Variants in MMP26 observed in about 807,000 individuals in gnomAD.
The protein encoded by MMP26 is matrix metalloproteinase-26.
In MMP26, 33 loss-of-function variants were observed where a neutral mutation model predicts 31.0. That is an observed-to-expected ratio of 1.06 (90% CI 0.81 to 1.42). The LOEUF (loss-of-function observed/expected upper bound fraction) is 1.42. MMP26 is among the 40% of genes most tolerant of loss of function. MMP26 has a pLI of 0.00. For synonymous variants in MMP26, 122 were observed against 114.9 expected (o/e 1.06, Z -0.40); for missense variants, 347 against 316.1 (o/e 1.10, Z -0.74).
intron 2 of MMP26, among the ~76,000 whole-genome samples, chr11:4,935,729 T>C (rs1286941770): frequency 6.7e-6 from 1 of 150,150 alleles, no homozygotes; most frequent in African/African-American, 2.4e-5. Flanking sequence ...TAGATAGCTC[T>C]TATCATTTTG....
chr11:4,902,520 G>T (rs192366395), intron 2 of MMP26, among the ~76,000 whole-genome samples: 1 of 152,184 alleles, frequency 6.6e-6, no homozygotes, highest in Admixed American at 6.5e-5. Context: ...CCAACCTTCT[G>T]TTGGCACCTG....
chr11:4,848,910 A>G, intron 2 of MMP26: 1 of 1,614,116 alleles, frequency 6.2e-7, no homozygotes, highest in Non-Finnish European at 8.5e-7. Flanking sequence ...TGAGGCAGGG[A>G]CAGTGTGAGC....
intron 1 of MMP26, among the ~76,000 whole-genome samples, chr11:4,727,825 A>C (rs758677696): frequency 1.3e-5 from 2 of 152,168 alleles, no homozygotes; most frequent in Non-Finnish European, 2.9e-5. Context: ...AAAAACAAAA[A>C]ACAAACAAAC....
At chr11:4,823,123 G>A (rs1437557532) in intron 2 of MMP26, among the ~76,000 whole-genome samples, 1 of 152,028 alleles carries the variant, frequency 6.6e-6, no homozygotes, top group African/African-American at 2.4e-5. Flanking sequence ...CACTGGACTA[G>A]CAATGGCAGA....
chr11:4,899,313 T>C lies in MMP26; in HGVS notation c.-144-88755T>C, dbSNP rs191509275. Among the ~76,000 whole-genome samples, 228 of 152,276 alleles carry C rather than the reference T, an allele frequency of 1.5e-3. 1 individual carries two copies. Among genetic ancestry groups the C allele is most frequent in the African/African-American group, 4.7e-3 (194 of 41,562 alleles). On this transcript the variant is annotated intron_variant, in intron 2 of 7. Transcript: ENST00000380390. ...TAGCTCTTCTCATGTTTGTGTTGTC[T>C]ATTTGCCCAAGAAGAAGACACGATC...
chr11:4,898,532 A>C (rs532006664), intron 2 of MMP26, among the ~76,000 whole-genome samples: 2 of 152,196 alleles, frequency 1.3e-5, no homozygotes, highest in East Asian at 3.9e-4. Context: ...TGTTCTTTTC[A>C]GGACTTTCTC....
intron 2 of MMP26, among the ~76,000 whole-genome samples, chr11:4,867,454 A>T (rs1850252208): frequency 7.0e-6 from 1 of 142,116 alleles, no homozygotes; most frequent in Non-Finnish European, 1.5e-5. Flanking sequence ...GCAGTGATGC[A>T]ATCTGGGCTC....
rs185333444 is a variant in MMP26, at chr11:4,987,941, A to G, written c.-144-127A>G. ...TGATGCCCCCTATATTCTGAGACTG[A>G]CCTGTATTTCCTTAACCAGGCCTGT... On this transcript the variant is annotated intron_variant, in intron 2 of 7. Coordinates refer to ENST00000380390, the MANE Select transcript of MMP26 (RefSeq NM_021801.5). 10 of 490,856 alleles carry G rather than the reference A, an allele frequency of 2.0e-5. No individual in the cohort carries two copies. In the East Asian group the frequency reaches 3.2e-4, roughly 16 times the overall value. 30.4% of individuals were successfully genotyped at this position (490,856 alleles called of 1,614,324 possible).
At chr11:4,936,802 C>T (rs1199609409) in intron 2 of MMP26, among the ~76,000 whole-genome samples, 1 of 151,792 alleles carries the variant, frequency 6.6e-6, no homozygotes, top group Admixed American at 6.6e-5. Flanking sequence ...AAAAATATAC[C>T]CTTTGTAATA....
intron 2 of MMP26, among the ~76,000 whole-genome samples, chr11:4,798,404 C>G (rs1441400086): frequency 6.6e-6 from 1 of 152,206 alleles, no homozygotes; most frequent in Non-Finnish European, 1.5e-5. Context: ...TTATCATCTT[C>G]CAGGGGAGGT....
chr11:4,893,231 C>G (rs1850653712), intron 2 of MMP26, among the ~76,000 whole-genome samples: 2 of 151,930 alleles, frequency 1.3e-5, no homozygotes. Flanking sequence ...GTTTAATTAT[C>G]AAAATAAAAA....
At chr11:4,977,823 C>A (rs1345323956) in intron 2 of MMP26, among the ~76,000 whole-genome samples, 1 of 152,020 alleles carries the variant, frequency 6.6e-6, no homozygotes, top group African/African-American at 2.4e-5. Context: ...GATTCCTGTA[C>A]CCTTAGCTAG....
chr11:4,849,133 G>A (rs761813182), intron 2 of MMP26: 3 of 1,614,072 alleles, frequency 1.9e-6, no homozygotes, highest in South Asian at 1.1e-5. Flanking sequence ...GATAGGCCTG[G>A]CATGCCCACC....
chr11:4,901,667 T>C (rs1589933503), intron 2 of MMP26, among the ~76,000 whole-genome samples: 2 of 152,170 alleles, frequency 1.3e-5, no homozygotes, highest in Admixed American at 6.5e-5. Flanking sequence ...AGAGAGGCTG[T>C]CGCAATTTTT....
intron 2 of MMP26, among the ~76,000 whole-genome samples, chr11:4,812,726 G>T (rs1849366540): frequency 6.6e-6 from 1 of 152,258 alleles, no homozygotes; most frequent in South Asian, 2.1e-4. Context: ...CAGGGTGGAT[G>T]GGGGGATGAT....
At chr11:4,976,193 G>T (rs1393339553) in intron 2 of MMP26, among the ~76,000 whole-genome samples, 1 of 151,900 alleles carries the variant, frequency 6.6e-6, no homozygotes. Flanking sequence ...TTATAAAAAT[G>T]CAAAAAAGTT....
rs201894800 is a variant in MMP26 at position 4,882,886 on chromosome 11, G to A, written c.-144-105182G>A. The A allele has an allele frequency of 1.9e-4, 300 of 1,605,884 alleles. 1 individual carries two copies. Among genetic ancestry groups the A allele is most frequent in the Admixed American group, 3.9e-4 (23 of 59,520 alleles). On this transcript the variant is annotated intron_variant, in intron 2 of 7. Coordinates refer to ENST00000380390, the MANE Select transcript of MMP26 (RefSeq NM_021801.5). ...GTCTTAGGGGAAGATGGGATTGAAG[G>A]TAGGAAATTGTCAGGACACGAATTA...
chr11:4,797,210 G>A (rs1186159204), intron 2 of MMP26, among the ~76,000 whole-genome samples: 1 of 152,118 alleles, frequency 6.6e-6, no homozygotes. Context: ...ACTGTTGAGG[G>A]TTAGTAAGAC....
chr11:4,750,823 G>T (rs7933190), intron 1 of MMP26, among the ~76,000 whole-genome samples: 5,296 of 151,940 alleles, frequency 0.035, 148 homozygotes, highest in African/African-American at 0.079. Flanking sequence ...ATGGGTGTAA[G>T]GTACTCTATT....
Sources: allele counts gnomAD v4.1 joint callset (sites outside exome capture counted in the v4.1 genomes callset), GRCh38; gene constraint gnomAD v4.1.1; transcripts MANE v1.5; gene names NCBI Gene and HGNC (gene_info 2026-07-23, HGNC 2026-07-21).